CNTLN: variants seen among roughly 807,000 people sequenced by gnomAD.
CNTLN encodes centlein.
CNTLN carries 212 observed loss-of-function variants against 180.0 expected under a neutral mutation model. The observed-to-expected ratio is 1.18, with a 90% confidence interval of 1.05 to 1.32. CNTLN has a LOEUF of 1.32. CNTLN is among the 40% of genes most tolerant of loss of function. The pLI is 0.00. For synonymous variants in CNTLN, 722 were observed against 563.1 expected (o/e 1.28, Z -3.99); for missense variants, 2,095 against 1,610.9 (o/e 1.30, Z -5.14).
chr9:17,158,294 G>C (rs1188035534), intron 2 of CNTLN, among the ~76,000 whole-genome samples: 1 of 152,094 alleles, frequency 6.6e-6, no homozygotes, highest in Non-Finnish European at 1.5e-5. Flanking sequence ...AATTTGGCTT[G>C]CTGGTATGTT....
intron 5 of CNTLN, among the ~76,000 whole-genome samples, chr9:17,256,222 G>C (rs560373501): frequency 7.9e-5 from 12 of 152,050 alleles, no homozygotes; most frequent in African/African-American, 2.9e-4. Context: ...ACAAATACAT[G>C]TGTGTTTTTG....
intron 13 of CNTLN, among the ~76,000 whole-genome samples, chr9:17,368,287 A>G (rs1019869440): frequency 3.3e-5 from 5 of 152,168 alleles, no homozygotes; most frequent in African/African-American, 1.2e-4. Flanking sequence ...GAAGAGTGGG[A>G]AGGACTGTGT....
chr9:17,179,777 A>G (rs1477942063), intron 2 of CNTLN, among the ~76,000 whole-genome samples: 2 of 152,198 alleles, frequency 1.3e-5, no homozygotes. Flanking sequence ...GTTGCCAAAC[A>G]TAATTATTGA....
At chr9:17,274,250 T>C (rs1365683982) in intron 6 of CNTLN, among the ~76,000 whole-genome samples, 1 of 152,132 alleles carries the variant, frequency 6.6e-6, no homozygotes, top group African/African-American at 2.4e-5. Context: ...TAGTTTGTTT[T>C]AAAGCAGTCT....
chr9:17,206,283 G>T (rs530906102), intron 2 of CNTLN, among the ~76,000 whole-genome samples: 27 of 152,260 alleles, frequency 1.8e-4, no homozygotes, highest in African/African-American at 5.8e-4. Flanking sequence ...CAGCACCCTT[G>T]TTACTTAAAT....
chr9:17,438,207 T>G (rs79693262), intron 18 of CNTLN, among the ~76,000 whole-genome samples: 3,698 of 152,140 alleles, frequency 0.024, 65 homozygotes, highest in Middle Eastern at 0.1. Context: ...GTGATTCTGA[T>G]GTAGAATAAG....
At chr9:17,356,900 C>G (rs1444441717) in intron 12 of CNTLN, among the ~76,000 whole-genome samples, 1 of 152,064 alleles carries the variant, frequency 6.6e-6, no homozygotes, top group Non-Finnish European at 1.5e-5. Flanking sequence ...CCTGCCCTCC[C>G]CATATACCTA....
At chr9:17,463,046 G>C (rs1483267862) in intron 20 of CNTLN, 33 bp downstream of exon 20, 4 of 1,348,810 alleles carry the variant, frequency 3.0e-6, no homozygotes, top group Non-Finnish European at 4.1e-6. Context: ...CATTGTATTT[G>C]GTGCCACCTA....
At chr9:17,254,122 A>G (rs1826323862) in intron 5 of CNTLN, among the ~76,000 whole-genome samples, 1 of 151,572 alleles carries the variant, frequency 6.6e-6, no homozygotes, top group African/African-American at 2.4e-5. Context: ...CCTGGGACAA[A>G]TCCCAGTTGA....
chr9:17,255,751 AT>A (rs1163726256), intron 5 of CNTLN, among the ~76,000 whole-genome samples: 1 of 151,748 alleles, frequency 6.6e-6, no homozygotes, highest in Non-Finnish European at 1.5e-5. Context: ...AATTCTTTAA[AT>A]TTTTGGTAGA....
At position 17,261,684 on chromosome 9, in the gene CNTLN, G is replaced by T. The variant is rs566395200; in HGVS notation, c.850-12049G>T. Among the ~76,000 whole-genome samples the T allele has an allele frequency of 7.3e-3, 1,110 of 151,196 alleles. 75 individuals are homozygous for T. Among genetic ancestry groups the T allele is most frequent in the African/African-American group, 0.026 (1,074 of 40,780 alleles). ...TTTTTTTCTCTTGACTGATTGCTCT[G>T]GCTAGGACTTCTAGTACTATGTTGA... On this transcript the variant is annotated intron_variant, in intron 5 of 25. Transcript: ENST00000380647.
chr9:17,448,613 G>A (rs1367019507), intron 18 of CNTLN: 1 of 152,162 alleles, frequency 6.6e-6, no homozygotes, highest in East Asian at 1.9e-4. Flanking sequence ...GAGGGCAGGA[G>A]GCTGCCGTTC....
At chr9:17,202,632 G>A (rs558054866) in intron 2 of CNTLN, among the ~76,000 whole-genome samples, 6 of 138,238 alleles carry the variant, frequency 4.3e-5, no homozygotes, top group African/African-American at 1.7e-4. Context: ...TCAGAGCCTA[G>A]GATTGCAACC....
At chr9:17,438,737 A>G (rs1037651578) in intron 18 of CNTLN, among the ~76,000 whole-genome samples, 4 of 152,216 alleles carry the variant, frequency 2.6e-5, no homozygotes, top group African/African-American at 9.6e-5. Context: ...AGCCTGGGCT[A>G]GACATATAAA....
At chr9:17,417,607 G>A (rs1828365581) in intron 18 of CNTLN, among the ~76,000 whole-genome samples, 1 of 151,954 alleles carries the variant, frequency 6.6e-6, no homozygotes, top group Non-Finnish European at 1.5e-5. Flanking sequence ...AAAGATTAGA[G>A]TTGTTACAAA....
chr9:17,406,771 A>T (rs1299140887), intron 15 of CNTLN, among the ~76,000 whole-genome samples: 1 of 151,800 alleles, frequency 6.6e-6, no homozygotes, highest in Non-Finnish European at 1.5e-5. Context: ...CATTCAATAA[A>T]TGTTTTTTGA....
chr9:17,506,523 A>G (rs143920817), downstream of CNTLN, among the ~76,000 whole-genome samples: 7 of 152,306 alleles, frequency 4.6e-5, no homozygotes, highest in African/African-American at 1.7e-4. Flanking sequence ...AGAATATGGG[A>G]CAGCGGAAAG....
chr9:17,220,471 A>T lies in CNTLN; in HGVS notation c.450-5732A>T, dbSNP rs531016278. ...TTTGTAATGTAGTTAAATGTTTTTT[A>T]GGTAAACTTTAAAGGTAAACTTGTG... is the stretch of plus-strand genomic sequence containing the variant. On this transcript the variant is annotated intron_variant, in intron 2 of 25. Transcript: ENST00000380647. 2.6e-5 allele frequency among the ~76,000 whole-genome samples: 4 copies of T among 152,230 alleles called. No homozygotes were observed. The South Asian group carries it at 8.3e-4, about 32-fold the overall frequency.
intron 2 of CNTLN, among the ~76,000 whole-genome samples, chr9:17,213,047 C>G (rs944170735): frequency 2.0e-5 from 3 of 152,132 alleles, no homozygotes; most frequent in Admixed American, 1.3e-4. Flanking sequence ...TTTTGTGTCT[C>G]TATCTCCTTC....
Sources: allele counts gnomAD v4.1 joint callset (sites outside exome capture counted in the v4.1 genomes callset), GRCh38; gene constraint gnomAD v4.1.1; transcripts MANE v1.5; gene names NCBI Gene and HGNC (gene_info 2026-07-23, HGNC 2026-07-21).